Variants in ADK observed in about 807,000 individuals in gnomAD.
ADK encodes N6,N6-dimethyladenosine kinase.
Under a neutral mutation model 44.7 loss-of-function variants are expected in ADK, and 24 were observed. The ratio of observed to expected loss-of-function variants is 0.54; its 90% confidence interval spans 0.39 to 0.76. ADK has a LOEUF of 0.76. Ranked by LOEUF, ADK falls within the 30% of genes least tolerant of loss-of-function variation. The pLI, the probability that ADK is intolerant of heterozygous loss-of-function variation, is 0.00. For synonymous variants in ADK, 128 were observed against 142.6 expected (o/e 0.90, Z 0.73); for missense variants, 321 against 425.1 (o/e 0.76, Z 2.15).
In ADK at chr10:74,286,681, G is replaced by C. The variant is rs1417511450; in HGVS notation, c.195-27986G>C. Among the ~76,000 whole-genome samples, 3 of 152,210 alleles carry C rather than the reference G, an allele frequency of 2.0e-5. No homozygotes were observed. The East Asian group carries it at 5.8e-4, about 29-fold the overall frequency. On this transcript the variant is annotated intron_variant, in intron 3 of 10. Coordinates refer to ENST00000539909, the MANE Select transcript of ADK (RefSeq NM_006721.4). ...TTGTGGTTTATAGACAATGATATTTGAAGTTAACTTGCCCCAGGGCAGGAG... is the reference window on the plus strand; with the variant it reads ...TTGTGGTTTATAGACAATGATATTTCAAGTTAACTTGCCCCAGGGCAGGAG...
chr10:74,209,547 T>C (rs11000922), intron 2 of ADK, among the ~76,000 whole-genome samples: 1 of 152,038 alleles, frequency 6.6e-6, no homozygotes, highest in Non-Finnish European at 1.5e-5. Context: ...ATATACTGAT[T>C]AGTATCTTAC....
chr10:74,180,787 G>C (rs1209275425), intron 1 of ADK, among the ~76,000 whole-genome samples: 2 of 151,980 alleles, frequency 1.3e-5, no homozygotes, highest in Non-Finnish European at 2.9e-5. Flanking sequence ...TCCTGACGTC[G>C]TGATCCCCCC....
chr10:74,615,866 G>A (rs1486678298), intron 9 of ADK, among the ~76,000 whole-genome samples: 1 of 151,836 alleles, frequency 6.6e-6, no homozygotes, highest in African/African-American at 2.4e-5. Flanking sequence ...CCACCATCAC[G>A]CCTGGCTCAT....
intron 3 of ADK, among the ~76,000 whole-genome samples, chr10:74,232,657 G>C (rs1430545451): frequency 6.7e-6 from 1 of 150,168 alleles, no homozygotes; most frequent in African/African-American, 2.5e-5. Flanking sequence ...ACGGAGTCTT[G>C]CTCTGTCACC....
chr10:74,456,842 G>C (rs1845967731), intron 6 of ADK, among the ~76,000 whole-genome samples: 1 of 152,034 alleles, frequency 6.6e-6, no homozygotes, highest in South Asian at 2.1e-4. Flanking sequence ...TGTTTAGAAG[G>C]AAATTTATAG....
chr10:74,353,957 A>G (rs1004816663), intron 4 of ADK, among the ~76,000 whole-genome samples: 1 of 152,244 alleles, frequency 6.6e-6, no homozygotes, highest in African/African-American at 2.4e-5. Context: ...AAAGTCATAG[A>G]TTAGAAGTGT....
At chr10:74,674,553 G>GA (rs1351783991) in intron 10 of ADK, among the ~76,000 whole-genome samples, 1 of 152,002 alleles carries the variant, frequency 6.6e-6, no homozygotes, top group Non-Finnish European at 1.5e-5. Flanking sequence ...TGCCCGTATG[G>GA]AAAAATTAAC....
At chr10:74,636,860 A>G (rs1257590490) in intron 9 of ADK, among the ~76,000 whole-genome samples, 1 of 152,230 alleles carries the variant, frequency 6.6e-6, no homozygotes, top group Non-Finnish European at 1.5e-5. Context: ...GAAACAGCAC[A>G]TAAAAAGTCA....
At chr10:74,648,287 A>C (rs1041598757) in intron 9 of ADK, among the ~76,000 whole-genome samples, 2 of 152,184 alleles carry the variant, frequency 1.3e-5, no homozygotes, top group Admixed American at 1.3e-4. Flanking sequence ...CAGTAACTGA[A>C]AGCCATATGA....
At chr10:74,227,054 A>C (rs1017861225) in intron 3 of ADK, among the ~76,000 whole-genome samples, 1 of 152,210 alleles carries the variant, frequency 6.6e-6, no homozygotes, top group African/African-American at 2.4e-5. Flanking sequence ...TGTCTTTGCA[A>C]CTCAAATAGC....
chr10:74,401,359 T>C (rs1843703425), intron 6 of ADK, among the ~76,000 whole-genome samples: 1 of 152,204 alleles, frequency 6.6e-6, no homozygotes. Flanking sequence ...CAAGTAGGTC[T>C]CTAAGGACTT....
chr10:74,202,099 C>T (rs1012432076), intron 2 of ADK, among the ~76,000 whole-genome samples: 39 of 152,144 alleles, frequency 2.6e-4, no homozygotes, highest in African/African-American at 9.2e-4. Flanking sequence ...CTATTCCCTC[C>T]TCTAACCCAG....
At chr10:74,317,124 G>A (rs1840651676) in intron 4 of ADK, among the ~76,000 whole-genome samples, 1 of 152,212 alleles carries the variant, frequency 6.6e-6, no homozygotes. Flanking sequence ...TGTTTTTGAA[G>A]ATTTTAATGA....
intron 7 of ADK, among the ~76,000 whole-genome samples, chr10:74,551,662 C>G (rs1243591395): frequency 1.3e-5 from 2 of 152,120 alleles, no homozygotes; most frequent in East Asian, 3.9e-4. Flanking sequence ...TAATTTCTTT[C>G]CCTATAACCA....
At chr10:74,526,190 TTAA>T (rs1442199973) in intron 7 of ADK, among the ~76,000 whole-genome samples, 4 of 152,006 alleles carry the variant, frequency 2.6e-5, no homozygotes, top group African/African-American at 9.7e-5. Flanking sequence ...TATTTCTTTA[TTAA>T]TAATATTTTT....
At chr10:74,269,192 C>G (rs1011364605) in intron 3 of ADK, among the ~76,000 whole-genome samples, 1 of 152,072 alleles carries the variant, frequency 6.6e-6, no homozygotes. Context: ...TGGGTTAATG[C>G]GTGTGTAGTC....
At chr10:74,446,922 A>G (rs1178509077) in intron 6 of ADK, among the ~76,000 whole-genome samples, 3 of 152,102 alleles carry the variant, frequency 2.0e-5, no homozygotes, top group Non-Finnish European at 4.4e-5. Context: ...TTTTGTTTTT[A>G]TAATGCTTTA....
At position 74,447,423 on chromosome 10, in the gene ADK, A is replaced by G. The variant is rs143617468; in HGVS notation, c.555+48844A>G. Reference sequence around the variant, plus strand: ...TCCTGGTACTGGAGAGGAGGACGCCATTACAAATATGAATTTCCTTTACAA... The same window carrying G: ...TCCTGGTACTGGAGAGGAGGACGCCGTTACAAATATGAATTTCCTTTACAA... On this transcript the variant is annotated intron_variant, in intron 6 of 10. Transcript: ENST00000539909. 8.5e-5 allele frequency among the ~76,000 whole-genome samples: 13 copies of G among 152,302 alleles called. No homozygotes were observed. The East Asian group carries it at 2.3e-3, about 27-fold the overall frequency.
chr10:74,295,191 G>A (rs1284673525), intron 3 of ADK, among the ~76,000 whole-genome samples: 1 of 151,970 alleles, frequency 6.6e-6, no homozygotes, highest in Non-Finnish European at 1.5e-5. Flanking sequence ...GCTGGATGTG[G>A]TGGCTCACAC....
Sources: allele counts gnomAD v4.1 joint callset (sites outside exome capture counted in the v4.1 genomes callset), GRCh38; gene constraint gnomAD v4.1.1; transcripts MANE v1.5; gene names NCBI Gene and HGNC (gene_info 2026-07-23, HGNC 2026-07-21).